The following HS6ST3 variants were observed in gnomAD, a reference collection of about 807,000 sequenced individuals.
HS6ST3 encodes the protein heparan sulfate 6-O-sulfotransferase 3, also known as heparan-sulfate 6-O-sulfotransferase 3.
Under a neutral mutation model 36.7 loss-of-function variants are expected in HS6ST3, and 12 were observed. The ratio of observed to expected loss-of-function variants is 0.33; its 90% CI spans 0.21 to 0.53. The LOEUF (loss-of-function observed/expected upper bound fraction) is 0.53. Among genes scored for constraint, HS6ST3 ranks in the 20% least tolerant of loss-of-function variants. The pLI is 0.95. For missense variants in HS6ST3, 584 were observed against 640.9 expected (o/e 0.91, Z 0.96); for synonymous variants, 240 against 257.5 (o/e 0.93, Z 0.65).
chr13:96,419,264 A>G (rs1230161877), intron 1 of HS6ST3, among the ~76,000 whole-genome samples: 1 of 152,246 alleles, frequency 6.6e-6, no homozygotes, highest in African/African-American at 2.4e-5. Flanking sequence ...TTTTAATGTG[A>G]AACCATCCTT....
At chr13:96,781,093 G>A (rs1057252500) in intron 1 of HS6ST3, among the ~76,000 whole-genome samples, 12 of 152,114 alleles carry the variant, frequency 7.9e-5, no homozygotes, top group Non-Finnish European at 8.8e-5. Flanking sequence ...CTATGAAGAC[G>A]CTCATTCTTC....
intron 1 of HS6ST3, among the ~76,000 whole-genome samples, chr13:96,823,535 A>T (rs1299190973): frequency 6.6e-6 from 1 of 152,318 alleles, no homozygotes; most frequent in East Asian, 1.9e-4. Flanking sequence ...ATGTAAACAT[A>T]TTTATAACTT....
At chr13:96,227,111 A>G (rs1038519424) in intron 1 of HS6ST3, among the ~76,000 whole-genome samples, 7 of 152,220 alleles carry the variant, frequency 4.6e-5, no homozygotes, top group African/African-American at 1.7e-4. Context: ...TTGGTTTTAC[A>G]TGATCCCATA....
At chr13:96,113,133 G>T (rs1485013646) in intron 1 of HS6ST3, among the ~76,000 whole-genome samples, 1 of 152,122 alleles carries the variant, frequency 6.6e-6, no homozygotes, top group Non-Finnish European at 1.5e-5. Context: ...GCCTGTTTAT[G>T]CTCAGGGCTT....
At chr13:96,491,869 A>G (rs1356767554) in intron 1 of HS6ST3, among the ~76,000 whole-genome samples, 1 of 152,058 alleles carries the variant, frequency 6.6e-6, no homozygotes, top group African/African-American at 2.4e-5. Flanking sequence ...CTCCCAGACA[A>G]CTTTTTCACT....
At chr13:96,468,569 A>G (rs1439086941) in intron 1 of HS6ST3, among the ~76,000 whole-genome samples, 1 of 152,068 alleles carries the variant, frequency 6.6e-6, no homozygotes, top group Non-Finnish European at 1.5e-5. Context: ...TGAGGAAGCT[A>G]GAAGTAAAAG....
intron 1 of HS6ST3, among the ~76,000 whole-genome samples, chr13:96,460,372 A>G (rs2055778123): frequency 6.6e-6 from 1 of 152,196 alleles, no homozygotes. Flanking sequence ...ATGGTTTTAT[A>G]TGTAGGAGAA....
At chr13:96,692,333 G>A (rs921356539) in intron 1 of HS6ST3, among the ~76,000 whole-genome samples, 1 of 152,028 alleles carries the variant, frequency 6.6e-6, no homozygotes, top group African/African-American at 2.4e-5. Flanking sequence ...CTAATACAGT[G>A]TAACACTATG....
chr13:96,368,846 C>T (rs2055276003), intron 1 of HS6ST3, among the ~76,000 whole-genome samples: 1 of 152,124 alleles, frequency 6.6e-6, no homozygotes, highest in African/African-American at 2.4e-5. Context: ...ACGGGAACTG[C>T]TGACACATGC....
chr13:96,738,074 T>C (rs1002786456), intron 1 of HS6ST3, among the ~76,000 whole-genome samples: 1 of 152,192 alleles, frequency 6.6e-6, no homozygotes, highest in African/African-American at 2.4e-5. Flanking sequence ...ACAGGTTCTG[T>C]GGATTAGGAT....
At chr13:96,242,511 G>A (rs954796589) in intron 1 of HS6ST3, among the ~76,000 whole-genome samples, 3 of 152,136 alleles carry the variant, frequency 2.0e-5, no homozygotes, top group African/African-American at 7.2e-5. Context: ...GAGCCACTGT[G>A]CCCGACCCAA....
chr13:96,685,224 A>G (rs796080059), intron 1 of HS6ST3, among the ~76,000 whole-genome samples: 4 of 152,090 alleles, frequency 2.6e-5, no homozygotes, highest in African/African-American at 7.2e-5. Flanking sequence ...TTTTGGCACT[A>G]CGTGGCCCAG....
intron 1 of HS6ST3, among the ~76,000 whole-genome samples, chr13:96,250,446 G>A (rs1369779081): frequency 2.6e-5 from 4 of 152,218 alleles, no homozygotes; most frequent in Non-Finnish European, 4.4e-5. Context: ...CCTAGTAAGA[G>A]ACAGAAGAGA....
chr13:96,489,619 T>G (rs150660284), intron 1 of HS6ST3, among the ~76,000 whole-genome samples: 1 of 152,188 alleles, frequency 6.6e-6, no homozygotes, highest in Non-Finnish European at 1.5e-5. Flanking sequence ...TGTCTCTTTC[T>G]TTCTTTAGGC....
chr13:96,349,027 T>G (rs571863143), intron 1 of HS6ST3, among the ~76,000 whole-genome samples: 1 of 152,240 alleles, frequency 6.6e-6, no homozygotes, highest in Non-Finnish European at 1.5e-5. Context: ...CCTGGAACAC[T>G]GTTTTTGTCT....
intron 1 of HS6ST3, among the ~76,000 whole-genome samples, chr13:96,558,550 G>T (rs535381695): frequency 6.6e-6 from 1 of 152,174 alleles, no homozygotes; most frequent in African/African-American, 2.4e-5. Context: ...ATGTTCTGAA[G>T]AATTTGGGCA....
intron 1 of HS6ST3, among the ~76,000 whole-genome samples, chr13:96,824,186 C>T (rs915538291): frequency 3.3e-5 from 5 of 152,202 alleles, no homozygotes; most frequent in African/African-American, 1.2e-4. Context: ...AATAAAAATG[C>T]CTGAGCCCAA....
chr13:96,454,853 G>A (rs2055747022), intron 1 of HS6ST3, among the ~76,000 whole-genome samples: 1 of 140,172 alleles, frequency 7.1e-6, no homozygotes. Flanking sequence ...GTTATTACCA[G>A]GGAATGATAT....
At chr13:96,709,975 C>G (rs1054972930) in intron 1 of HS6ST3, among the ~76,000 whole-genome samples, 1 of 152,180 alleles carries the variant, frequency 6.6e-6, no homozygotes, top group Non-Finnish European at 1.5e-5. Context: ...AACAAGGGCT[C>G]TAAGTGGCAG....
Sources: gnomAD v4.1 joint callset for allele counts (sites outside exome capture counted in the v4.1 genomes callset) on GRCh38, gnomAD v4.1.1 for gene constraint, MANE v1.5 for transcripts, NCBI Gene and HGNC (gene_info 2026-07-23, HGNC 2026-07-21) for gene names.